NFIC: variants seen among roughly 807,000 people sequenced by gnomAD.
The protein encoded by NFIC is nuclear factor I C.
NFIC carries 12 observed loss-of-function variants against 54.4 expected under a neutral mutation model. The observed-to-expected ratio is 0.22, with a 90% confidence interval of 0.14 to 0.36. NFIC has a LOEUF of 0.36. Among genes scored for constraint, NFIC ranks in the 10% least tolerant of loss-of-function variants. NFIC has a pLI of 1.00. For synonymous variants in NFIC, 322 were observed against 319.2 expected (o/e 1.01, Z -0.09); for missense variants, 575 against 718.2 (o/e 0.80, Z 2.28).
At chr19:3,385,591 GAGAC>G (rs1277262675) in intron 2 of NFIC, among the ~76,000 whole-genome samples, 4 of 48,924 alleles carry the variant, frequency 8.2e-5, no homozygotes, top group African/African-American at 3.8e-4. Flanking sequence ...TTTTTTTTTT[GAGAC>G]AGACTCTTGC....
intron 2 of NFIC, among the ~76,000 whole-genome samples, chr19:3,409,186 G>A (rs923115854): frequency 1.3e-5 from 2 of 152,016 alleles, no homozygotes; most frequent in East Asian, 1.9e-4. Flanking sequence ...TGCCCACCAC[G>A]CTGCAGCCTG....
At chr19:3,396,004 A>G (rs2081456575) in intron 2 of NFIC, among the ~76,000 whole-genome samples, 1 of 152,116 alleles carries the variant, frequency 6.6e-6, no homozygotes, top group Admixed American at 6.6e-5. Context: ...TATGTGGCCC[A>G]TGCTGGGATT....
At chr19:3,431,353 CCTTCTT>C (rs2082117206) in intron 3 of NFIC, among the ~76,000 whole-genome samples, 1 of 142,772 alleles carries the variant, frequency 7.0e-6, no homozygotes, top group Non-Finnish European at 1.5e-5. Context: ...TTTTTCTTTT[CCTTCTT>C]CTTTTTTTTT....
chr19:3,425,921 T>A (rs2082020861), intron 3 of NFIC, among the ~76,000 whole-genome samples: 1 of 2,814 alleles, frequency 3.6e-4, no homozygotes, highest in Non-Finnish European at 9.4e-4. Flanking sequence ...TGCCTGGCTT[T>A]TTTTTTTTTT....
chr19:3,445,054 TA>T (rs2082353532), intron 6 of NFIC, among the ~76,000 whole-genome samples: 1 of 151,636 alleles, frequency 6.6e-6, no homozygotes, highest in Admixed American at 6.6e-5. Context: ...AACGTGCATG[TA>T]CAGGCATACA....
At chr19:3,394,543 A>G (rs1025406602) in intron 2 of NFIC, among the ~76,000 whole-genome samples, 7 of 64,230 alleles carry the variant, frequency 1.1e-4, no homozygotes, top group Non-Finnish European at 1.9e-4. Flanking sequence ...CGCTTACACT[A>G]AGTCTGAAAT....
intron 6 of NFIC, among the ~76,000 whole-genome samples, chr19:3,436,254 C>T (rs1454024818): frequency 6.6e-6 from 1 of 151,804 alleles, no homozygotes; most frequent in Non-Finnish European, 1.5e-5. Context: ...AAGTGATCCT[C>T]CTGCCTCAGC....
chr19:3,449,019 T>A lies in NFIC; in HGVS notation c.964T>A (p.Ser322Thr). 1 of 1,612,574 alleles carries A rather than the reference T, an allele frequency of 6.2e-7. No homozygotes were observed. Among genetic ancestry groups the A allele is most frequent in the East Asian group, 2.2e-5 (1 of 44,838 alleles). ...TCGTCCCATCCCCTCCACAGGCATCTCGTCCCCGGTGAAGAAGACAGAGAT... is the reference window on the plus strand; with the variant it reads ...TCGTCCCATCCCCTCCACAGGCATCACGTCCCCGGTGAAGAAGACAGAGAT... The part of the protein sequence containing the change: ...NWTEDMEGGI[S>T]SPVKKTEMDK... The change falls in exon 7 of 11, where the codon TCG becomes ACG. Residue 322 changes from serine to threonine, a missense_variant. This residue lies in a region of NFIC where 447 missense variants were observed against 526.9 expected (regional missense o/e 0.85). Transcript: ENST00000443272.
At position 3,370,946 on chromosome 19, in the gene NFIC, C is replaced by T. The variant is rs1199983172; in HGVS notation, c.30+4280C>T. ...GTCCTGACCAGTTCACATCCATGAG[C>T]ACACGCTGGGCGCACACGCGTGCAC... On this transcript the variant is annotated intron_variant, in intron 1 of 10. Coordinates refer to ENST00000443272, the MANE Select transcript of NFIC (RefSeq NM_001245002.2). The surrounding 1 kb of genome is among the most constrained non-coding windows in gnomAD (Gnocchi z 5.2). Among the ~76,000 whole-genome samples, 1 of 152,210 alleles carries T rather than the reference C, an allele frequency of 6.6e-6. No individual in the cohort carries two copies. The highest frequency in any genetic ancestry group is 1.5e-5 in the Non-Finnish European group (1 of 68,044).
intron 2 of NFIC, among the ~76,000 whole-genome samples, chr19:3,395,074 G>A (rs1310251736): frequency 6.6e-6 from 1 of 151,998 alleles, no homozygotes; most frequent in Non-Finnish European, 1.5e-5. Flanking sequence ...GAAAATCCAA[G>A]GAGGCTGGGC....
intron 2 of NFIC, among the ~76,000 whole-genome samples, chr19:3,408,002 C>G (rs544236515): frequency 6.6e-6 from 1 of 152,280 alleles, no homozygotes; most frequent in South Asian, 2.1e-4. Context: ...TAAAAATGGC[C>G]GGTGACACCC....
chr19:3,407,918 A>C (rs2081680853), intron 2 of NFIC, among the ~76,000 whole-genome samples: 1 of 152,038 alleles, frequency 6.6e-6, no homozygotes, highest in Non-Finnish European at 1.5e-5. Flanking sequence ...AGCTCAGAGG[A>C]CTCAGGCCCA....
intron 1 of NFIC, among the ~76,000 whole-genome samples, chr19:3,368,913 C>CTGTGTGTGTGTGTGTGTGTGTGTG (rs59920512): frequency 5.4e-4 from 80 of 147,056 alleles, no homozygotes; most frequent in African/African-American, 1.9e-3. Flanking sequence ...TGCTCTGACT[C>CTGTGTGTGTGTGTGTGTGTGTGTG]TGTGTGTGTG....
chr19:3,402,354 C>T (rs1293292595), intron 2 of NFIC, among the ~76,000 whole-genome samples: 1 of 152,204 alleles, frequency 6.6e-6, no homozygotes, highest in East Asian at 1.9e-4. Flanking sequence ...CCAGACGGTC[C>T]TTCCTTTTCA....
rs181496734 is a variant in NFIC, at chr19:3,430,530, C to T, written c.635-2988C>T. ...TGAGCCGCCGAGCCTGGCCTAATTC[C>T]AGAACATTTCATCCCCCCTAAAAGA... On this transcript the variant is annotated intron_variant, in intron 3 of 10. Coordinates refer to ENST00000443272, the MANE Select transcript of NFIC (RefSeq NM_001245002.2). Among the ~76,000 whole-genome samples the T allele has an allele frequency of 3.2e-3, 494 of 152,090 alleles. 2 individuals are homozygous for T. Among genetic ancestry groups the T allele is most frequent in the Non-Finnish European group, 4.4e-3 (296 of 67,972 alleles).
Position 3,465,123 on chromosome 19 carries a change from T to A in NFIC, c.*2354T>A, listed in dbSNP as rs1599740839. ...ATCCCTGGCTCTATCTCCCTGTTCC[T>A]CGCCCCCTCCACCCCCCACTTCCTC... On this transcript the variant is annotated 3_prime_UTR_variant, in exon 11 of 11. Transcript: ENST00000443272. 8.7e-6 allele frequency: 1 copy of A among 114,924 alleles called. No individual in the cohort carries two copies. Among genetic ancestry groups the A allele is most frequent in the African/African-American group, 3.6e-5 (1 of 28,048 alleles). The allele number at this position is 114,924 out of a possible 1,614,324, so 7.1% of individuals were successfully genotyped here.
intron 2 of NFIC, among the ~76,000 whole-genome samples, chr19:3,422,022 C>T (rs985617930): frequency 1.3e-5 from 2 of 152,114 alleles, no homozygotes; most frequent in Admixed American, 6.6e-5. Context: ...CCGCAACCTC[C>T]GCCTCCGGGG....
intron 2 of NFIC, 54 bp downstream of exon 2, chr19:3,382,297 G>A: frequency 6.4e-7 from 1 of 1,568,398 alleles, no homozygotes. Context: ...TCTGATGGTG[G>A]TGACACGGGG....
chr19:3,366,609 CGGCCCT>C lies in NFIC; in HGVS notation c.-26_-21del. On this transcript the variant is annotated 5_prime_UTR_variant, in exon 1 of 11. Coordinates refer to ENST00000443272, the MANE Select transcript of NFIC (RefSeq NM_001245002.2). ...GTAAGTTCAGCGCGCCCGCTCCGGC[CGGCCCT>C]GCGCCTCCCGCCGCGCCCGGGATGT... is the stretch of plus-strand genomic sequence containing the variant. 6.8e-7 allele frequency: 1 copy of C among 1,474,630 alleles called. No individual in the cohort carries two copies. 91.3% of individuals were successfully genotyped at this position (1,474,630 alleles called of 1,614,324 possible).
Sources: allele counts gnomAD v4.1 joint callset (sites outside exome capture counted in the v4.1 genomes callset), GRCh38; gene constraint gnomAD v4.1.1; regional missense constraint gnomAD v4.1.1; non-coding constraint Gnocchi (gnomAD v3.1); transcripts MANE v1.5; gene names NCBI Gene and HGNC (gene_info 2026-07-23, HGNC 2026-07-21).